The following ANKRD12 variants were observed in gnomAD, a reference collection of about 807,000 sequenced individuals.
ANKRD12 encodes ankyrin repeat domain 12, also known as ankyrin repeat domain-containing protein 12.
ANKRD12 carries 85 observed loss-of-function variants against 183.4 expected under a neutral mutation model. The observed-to-expected ratio is 0.46, with a 90% confidence interval of 0.39 to 0.56. ANKRD12 has a LOEUF of 0.56. Ranked by LOEUF, ANKRD12 falls within the 20% of genes least tolerant of loss-of-function variation. ANKRD12 has a pLI of 0.00. For missense variants in ANKRD12, 2,405 were observed against 2,357.1 expected (o/e 1.02, Z -0.42); for synonymous variants, 914 against 800.2 (o/e 1.14, Z -2.40).
chr18:9,175,405 T>C (rs908179734), intron 1 of ANKRD12, among the ~76,000 whole-genome samples: 9 of 152,220 alleles, frequency 5.9e-5, no homozygotes, highest in Admixed American at 5.9e-4. Context: ...TTCTCTGTTA[T>C]TGGATTTTCT....
At chr18:9,201,076 C>G (rs370367855) in intron 3 of ANKRD12, among the ~76,000 whole-genome samples, 141 of 152,262 alleles carry the variant, frequency 9.3e-4, no homozygotes, top group African/African-American at 3.2e-3. Context: ...ATTCTAGTTG[C>G]AGCGGAGTCT....
At chr18:9,209,502 A>G (rs2035663277) in intron 5 of ANKRD12, among the ~76,000 whole-genome samples, 1 of 152,174 alleles carries the variant, frequency 6.6e-6, no homozygotes, top group South Asian at 2.1e-4. Flanking sequence ...TTTTTCAGTG[A>G]GTTTTTCCTG....
At chr18:9,151,408 C>A (rs1163281241) in intron 1 of ANKRD12, among the ~76,000 whole-genome samples, 1 of 152,160 alleles carries the variant, frequency 6.6e-6, no homozygotes, top group African/African-American at 2.4e-5. Context: ...TTCTAAACCT[C>A]TTATTTAAGA....
At chr18:9,267,563 T>C (rs1430384901) in intron 10 of ANKRD12, among the ~76,000 whole-genome samples, 1 of 152,148 alleles carries the variant, frequency 6.6e-6, no homozygotes, top group East Asian at 1.9e-4. Flanking sequence ...ACGATGTTCT[T>C]TGAGACCAAC....
rs1342164247 is a variant in ANKRD12, at chr18:9,262,786, CCTTT to C, written c.5665-1003_5665-1000del. Among the ~76,000 whole-genome samples, 231 of 87,930 alleles carry C rather than the reference CCTTT, an allele frequency of 2.6e-3. 13 individuals are homozygous for C. Among genetic ancestry groups the C allele is most frequent in the African/African-American group, 8.6e-3 (209 of 24,204 alleles). 57.7% of individuals were successfully genotyped at this position (87,930 alleles called of 152,430 possible). A position where few individuals can be genotyped will look rare whatever the true frequency, so the allele number is the denominator to read the frequency against. ...AGCCACCATGCCCAGCCAAGATGTC[CCTTT>C]TTTTTTTTTTTTTTTTTTTTTTTTT... is the stretch of plus-strand genomic sequence containing the variant. On this transcript the variant is annotated intron_variant, in intron 9 of 12. Transcript: ENST00000262126.
intron 1 of ANKRD12, among the ~76,000 whole-genome samples, chr18:9,174,418 C>T (rs1258724901): frequency 6.6e-6 from 1 of 152,180 alleles, no homozygotes; most frequent in African/African-American, 2.4e-5. Context: ...CCTGGGTTTA[C>T]GTGTGAGCCT....
chr18:9,231,189 A>G (rs891737696), intron 8 of ANKRD12, among the ~76,000 whole-genome samples: 1 of 152,196 alleles, frequency 6.6e-6, no homozygotes, highest in African/African-American at 2.4e-5. Flanking sequence ...GGTCAGTCAC[A>G]TGTTCCATGT....
intron 8 of ANKRD12, among the ~76,000 whole-genome samples, chr18:9,229,756 T>C (rs1439281544): frequency 6.6e-6 from 1 of 152,218 alleles, no homozygotes; most frequent in African/African-American, 2.4e-5. Flanking sequence ...ATTCTGTTTA[T>C]GTGATGTATG....
Position 9,263,813 on chromosome 18 carries a change from A to G in ANKRD12, c.5688A>G (p.Ser1896=). 2 of 1,570,618 alleles carry G rather than the reference A, an allele frequency of 1.3e-6. No homozygotes were observed. Among genetic ancestry groups the G allele is most frequent in the Non-Finnish European group, 1.7e-6 (2 of 1,148,450 alleles). ...IPTITPPPSL[S]DPLKELFRQQ... ...AGATTACACCACCACCTTCACTGTC[A>G]GATCCACTTAAAGAGCTTTTTCGAC... The change falls in exon 10 of 13, where the codon TCA becomes TCG. Residue 1896 remains serine (S), a synonymous_variant. Coordinates refer to ENST00000262126, the MANE Select transcript of ANKRD12 (RefSeq NM_015208.5).
At chr18:9,229,065 G>A (rs2036889059) in intron 8 of ANKRD12, among the ~76,000 whole-genome samples, 1 of 152,070 alleles carries the variant, frequency 6.6e-6, no homozygotes, top group South Asian at 2.1e-4. Flanking sequence ...ATTGAAGATG[G>A]TATTCGTCCC....
At chr18:9,229,392 C>T (rs1414721935) in intron 8 of ANKRD12, among the ~76,000 whole-genome samples, 1 of 152,126 alleles carries the variant, frequency 6.6e-6, no homozygotes, top group African/African-American at 2.4e-5. Context: ...GCAGCTTGGT[C>T]ACTGTAATGA....
rs965905651 is a variant in ANKRD12 at position 9,255,717 on chromosome 18, A to G, written c.2450A>G (p.Glu817Gly). The G allele has an allele frequency of 6.3e-7, 1 of 1,596,680 alleles. No homozygotes were observed. Among genetic ancestry groups the G allele is most frequent in the Non-Finnish European group, 8.5e-7 (1 of 1,175,616 alleles). ...DIEKQEKHIKESKEKPEKRSQ... is the reference protein window; with the variant it reads ...DIEKQEKHIKGSKEKPEKRSQ... ...GAAAAACAAGAAAAGCATATAAAGG[A>G]AAGTAAAGAAAAACCTGAGAAGCGA... is the stretch of plus-strand genomic sequence containing the variant. Residue 817 changes from glutamate to glycine, a missense_variant, in exon 9 of 13, where the codon GAA becomes GGA. Around this residue, in one of 7 missense-constraint regions of ANKRD12, gnomAD observed 1,983 missense variants for 1,725.9 expected, o/e 1.15. Coordinates refer to ENST00000262126, the MANE Select transcript of ANKRD12 (RefSeq NM_015208.5).
At position 9,255,246 on chromosome 18, in the gene ANKRD12, G is replaced by A; in HGVS notation, c.1979G>A (p.Arg660Lys). 1.3e-6 allele frequency: 2 copies of A among 1,561,434 alleles called. No individual in the cohort carries two copies. The highest frequency in any genetic ancestry group is 2.3e-5 in the East Asian group (1 of 43,720). ...LKKHKLKHKEREKEKHKKEIE... is the reference protein window; with the variant it reads ...LKKHKLKHKEKEKEKHKKEIE... ...AAACATAAATTGAAGCATAAAGAGAGGGAAAAAGAAAAGCATAAAAAAGAA... is the reference window on the plus strand; with the variant it reads ...AAACATAAATTGAAGCATAAAGAGAAGGAAAAAGAAAAGCATAAAAAAGAA... The change falls in exon 9 of 13, where the codon AGG becomes AAG. Residue 660 changes from arginine to lysine, a missense_variant. This residue lies in a region of ANKRD12 where 1,983 missense variants were observed against 1,725.9 expected (regional missense o/e 1.15). Transcript: ENST00000262126.
intron 1 of ANKRD12, among the ~76,000 whole-genome samples, chr18:9,160,441 G>GT (rs35649300): frequency 0.11 from 16,998 of 152,154 alleles, 1,130 homozygotes; most frequent in African/African-American, 0.17. Flanking sequence ...TAATCCAGTG[G>GT]TTTTTTTAGT....
chr18:9,166,380 C>T (rs549693377), intron 1 of ANKRD12, among the ~76,000 whole-genome samples: 22 of 152,316 alleles, frequency 1.4e-4, no homozygotes, highest in African/African-American at 4.6e-4. Context: ...TCTCCAGCAC[C>T]TGTTGTTTCC....
At position 9,283,900 on chromosome 18, in the gene ANKRD12, G is replaced by A. The variant is rs2040172748; in HGVS notation, c.*2774G>A. 2 of 152,236 alleles carry A rather than the reference G, an allele frequency of 1.3e-5. No individual in the cohort carries two copies. The highest frequency in any genetic ancestry group is 4.1e-4 in the South Asian group (2 of 4,832). The allele number at this position is 152,236 out of a possible 1,614,324, so 9.4% of individuals were successfully genotyped here. ...TTCAAGTTCAAATCTATTTAATAAT[G>A]AGAAGTCTCACAAGTGAATTTTTAA... On this transcript the variant is annotated 3_prime_UTR_variant, in exon 13 of 13. Transcript: ENST00000262126.
At chr18:9,156,982 G>A (rs1401198817) in intron 1 of ANKRD12, among the ~76,000 whole-genome samples, 2 of 152,168 alleles carry the variant, frequency 1.3e-5, no homozygotes, top group Non-Finnish European at 2.9e-5. Context: ...GGGAAAAGTG[G>A]GAAATGAGTT....
chr18:9,168,344 G>A (rs543839557), intron 1 of ANKRD12, among the ~76,000 whole-genome samples: 55 of 152,120 alleles, frequency 3.6e-4, no homozygotes, highest in African/African-American at 1.2e-3. Context: ...GAATCCATCT[G>A]GTCCTGGACT....
intron 1 of ANKRD12, among the ~76,000 whole-genome samples, chr18:9,142,574 T>C (rs1357319830): frequency 1.3e-5 from 2 of 152,200 alleles, no homozygotes; most frequent in Admixed American, 6.5e-5. Context: ...ACATTCCTTA[T>C]ACAGCTTTAA....
Sources: allele counts gnomAD v4.1 joint callset (sites outside exome capture counted in the v4.1 genomes callset), GRCh38; gene constraint gnomAD v4.1.1; regional missense constraint gnomAD v4.1.1; transcripts MANE v1.5; gene names NCBI Gene and HGNC (gene_info 2026-07-23, HGNC 2026-07-21).